RPTOR: variants seen among roughly 807,000 people sequenced by gnomAD.
RPTOR encodes regulatory-associated protein of mTOR.
RPTOR carries 21 observed loss-of-function variants against 169.9 expected under a neutral mutation model. The ratio of observed to expected loss-of-function variants is 0.12; its 90% CI spans 0.09 to 0.18. RPTOR has a LOEUF of 0.18. Ranked by LOEUF, RPTOR falls within the 10% of genes least tolerant of loss-of-function variation. RPTOR has a pLI of 1.00. For missense variants in RPTOR, 1,133 were observed against 1,855.9 expected (o/e 0.61, Z 7.16); for synonymous variants, 732 against 753.2 (o/e 0.97, Z 0.46).
In RPTOR at chr17:80,754,642, T is replaced by C. The variant is rs1441731030; in HGVS notation, c.830+457T>C. ...TTCTGTCTCCATCCTTTTTAAGTTA[T>C]AGCCGTCGGGAACATAACTGAAGAA... On this transcript the variant is annotated intron_variant, in intron 6 of 33. Transcript: ENST00000306801. The surrounding 1 kb of genome is among the most constrained non-coding windows in gnomAD (Gnocchi z 4.2). Among the ~76,000 whole-genome samples the C allele has an allele frequency of 6.6e-6, 1 of 152,216 alleles. No individual in the cohort carries two copies. Among genetic ancestry groups the C allele is most frequent in the Non-Finnish European group, 1.5e-5 (1 of 68,030 alleles).
intron 33 of RPTOR, 28 bp from the exon 34 acceptor site, chr17:80,964,234 C>T (rs1385700657): frequency 1.9e-6 from 3 of 1,599,360 alleles, no homozygotes; most frequent in East Asian, 4.5e-5. Context: ...CACCTGAACC[C>T]CTGCTCACCC....
Position 80,949,481 on chromosome 17 carries a change from T to C in RPTOR, c.3304T>C (p.Leu1102=). 1 of 1,614,138 alleles carries C rather than the reference T, an allele frequency of 6.2e-7. No individual in the cohort carries two copies. Among genetic ancestry groups the C allele is most frequent in the Non-Finnish European group, 8.5e-7 (1 of 1,180,026 alleles). Reference sequence around the variant, plus strand: ...CAGGGTCTGGAAGAATTTTGCTGATTTGGAAAAGAACCCAGAGATGGTGAC... The same window carrying C: ...CAGGGTCTGGAAGAATTTTGCTGATCTGGAAAAGAACCCAGAGATGGTGAC... ...AIRVWKNFAD[L]EKNPEMVTAW... Residue 1102 remains leucine, a synonymous_variant, in exon 28 of 34, where the codon TTG becomes CTG. Coordinates refer to ENST00000306801, the MANE Select transcript of RPTOR (RefSeq NM_020761.3).
intron 28 of RPTOR, among the ~76,000 whole-genome samples, chr17:80,956,480 C>A (rs1464884098): frequency 6.6e-6 from 1 of 152,260 alleles, no homozygotes; most frequent in African/African-American, 2.4e-5. Context: ...GGGAGTCAGC[C>A]CCTTGCTGTC....
chr17:80,887,227 TGGGGGGTGCCAGCTC>T (rs1424675647), intron 17 of RPTOR, among the ~76,000 whole-genome samples: 1 of 127,716 alleles, frequency 7.8e-6, no homozygotes, highest in Non-Finnish European at 1.6e-5. Flanking sequence ...GTGCTGACTC[TGGGGGGTGCCAGCTC>T]GGGGGGTGCG....
chr17:80,780,408 G>A (rs994576335), intron 6 of RPTOR, among the ~76,000 whole-genome samples: 8 of 152,106 alleles, frequency 5.3e-5, no homozygotes, highest in African/African-American at 9.7e-5. Flanking sequence ...AAACCACCAC[G>A]GTTTAAATGC....
chr17:80,925,101 T>C (rs2068795161), intron 23 of RPTOR, among the ~76,000 whole-genome samples: 1 of 152,052 alleles, frequency 6.6e-6, no homozygotes, highest in African/African-American at 2.4e-5. Flanking sequence ...TAGAATTGAC[T>C]TGGGAGCTGT....
At chr17:80,767,404 A>C (rs1598291340) in intron 6 of RPTOR, among the ~76,000 whole-genome samples, 1 of 151,718 alleles carries the variant, frequency 6.6e-6, no homozygotes, top group East Asian at 1.9e-4. Context: ...TAAAAGGAGA[A>C]TAAGGGAATC....
chr17:80,775,101 T>G (rs187409799), intron 6 of RPTOR, among the ~76,000 whole-genome samples: 7 of 152,286 alleles, frequency 4.6e-5, no homozygotes, highest in African/African-American at 1.7e-4. Context: ...GGGGCCAGGC[T>G]TCCAGCCGCT....
chr17:80,650,818 C>A (rs1023885036), intron 3 of RPTOR, among the ~76,000 whole-genome samples: 1 of 152,162 alleles, frequency 6.6e-6, no homozygotes, highest in Non-Finnish European at 1.5e-5. Context: ...AAGCCCCTCC[C>A]CATCCTGCCT....
intron 21 of RPTOR, among the ~76,000 whole-genome samples, chr17:80,911,552 C>A (rs188162889): frequency 6.6e-6 from 1 of 152,150 alleles, no homozygotes; most frequent in South Asian, 2.1e-4. Context: ...GAGGCCAAGG[C>A]GAGAGACGAT....
At chr17:80,743,863 C>CTACTAGCACAGCCCTGGT (rs2066520532) in intron 5 of RPTOR, among the ~76,000 whole-genome samples, 1 of 42,484 alleles carries the variant, frequency 2.4e-5, no homozygotes, top group Non-Finnish European at 4.7e-5. Context: ...AGAGCCCTGG[C>CTACTAGCACAGCCCTGGT]TACTAGCACA....
In RPTOR at chr17:80,960,143, C is replaced by T. The variant is rs138030342; in HGVS notation, c.3543C>T (p.Ile1181=). The T allele has an allele frequency of 1.7e-5, 27 of 1,613,534 alleles. No individual in the cohort carries two copies. The highest frequency in any genetic ancestry group is 1.6e-4 in the Middle Eastern group (1 of 6,084). ...CCTGTGATTCCCACCGCTCACTCAT[C>T]GTGGCTGGCCTCGGTGACGGCTCCA... ...SLSCDSHRSL[I]VAGLGDGSIR... The change falls in exon 30 of 34, where the codon ATC becomes ATT. Residue 1181 remains isoleucine (I), a synonymous_variant. Transcript: ENST00000306801. This position sits in a 1 kb window ranked among gnomAD's most constrained non-coding sequence, Gnocchi z 4.8.
In RPTOR at chr17:80,949,524, C is replaced by T. The variant is rs759681695; in HGVS notation, c.3347C>T (p.Ser1116Leu). The change falls in exon 28 of 34, where the codon TCG becomes TTG. Residue 1116 changes from serine to leucine, a missense_variant. By Grantham distance (145) the Ser-to-Leu change is moderately radical (BLOSUM62 -2). This residue lies in a region of RPTOR where 410 missense variants were observed against 623.7 expected (regional missense o/e 0.66). Coordinates refer to ENST00000306801, the MANE Select transcript of RPTOR (RefSeq NM_020761.3). ...PEMVTAWQGL[S>L]DMLPTTRGAG... is the part of the protein sequence containing the mutation. ...ATGGTGACCGCGTGGCAGGGGCTCT[C>T]GGACATGCTGCCAACGACGCGAGGT... is the stretch of plus-strand genomic sequence containing the variant. 7 of 1,614,054 alleles carry T rather than the reference C, an allele frequency of 4.3e-6. No homozygotes were observed. Among genetic ancestry groups the T allele is most frequent in the Non-Finnish European group, 2.5e-6 (3 of 1,180,018 alleles).
At position 80,823,060 on chromosome 17, in the gene RPTOR, A is replaced by G; in HGVS notation, c.992-19A>G. On this transcript the variant is annotated intron_variant, in intron 8 of 33. Coordinates refer to ENST00000306801, the MANE Select transcript of RPTOR (RefSeq NM_020761.3). This position sits in a 1 kb window ranked among gnomAD's most constrained non-coding sequence, Gnocchi z 4.5. ...CACAAGTCACTGTAGACTCCTTTTT[A>G]TCTTTTATCTGCCCTCAGATCTCTT... The G allele has an allele frequency of 6.2e-7, 1 of 1,610,330 alleles. No homozygotes were observed. Among genetic ancestry groups the G allele is most frequent in the Non-Finnish European group, 8.5e-7 (1 of 1,178,636 alleles).
chr17:80,577,396 C>G (rs571531489), intron 1 of RPTOR, among the ~76,000 whole-genome samples: 37 of 152,170 alleles, frequency 2.4e-4, no homozygotes, highest in Admixed American at 3.9e-4. Flanking sequence ...TTCTTTTAGA[C>G]TTTGAGGACA....
In RPTOR at chr17:80,940,483, T is replaced by G; in HGVS notation, c.2920-13T>G. ...CATCGCTGGGCTTAACTGGGTGTTT[T>G]CTGTTGTTGAAGATCCCAGAAGAGC... On this transcript the variant is annotated splice_polypyrimidine_tract_variant and intron_variant, in intron 24 of 33. Coordinates refer to ENST00000306801, the MANE Select transcript of RPTOR (RefSeq NM_020761.3). 6.2e-7 allele frequency: 1 copy of G among 1,610,960 alleles called. No individual in the cohort carries two copies. Among genetic ancestry groups the G allele is most frequent in the Non-Finnish European group, 8.5e-7 (1 of 1,178,180 alleles).
chr17:80,901,942 GA>G (rs372365361), intron 20 of RPTOR, among the ~76,000 whole-genome samples: 35 of 152,304 alleles, frequency 2.3e-4, no homozygotes, highest in African/African-American at 8.4e-4. Flanking sequence ...ATCGCTGATG[GA>G]GCCCAGGTTC....
intron 2 of RPTOR, among the ~76,000 whole-genome samples, chr17:80,629,368 C>T (rs56137145): frequency 0.12 from 12,218 of 106,164 alleles, 878 homozygotes; most frequent in East Asian, 0.18. Flanking sequence ...GCAGCTCTTC[C>T]GTGTGTTTCT....
In RPTOR at chr17:80,707,758, A is replaced by G. The variant is rs2143092980; in HGVS notation, c.349-83A>G. On this transcript the variant is annotated intron_variant, in intron 3 of 33. Coordinates refer to ENST00000306801, the MANE Select transcript of RPTOR (RefSeq NM_020761.3). The surrounding 1 kb of genome is among the most constrained non-coding windows in gnomAD (Gnocchi z 5.0). ...CAGGACCACACAGCTATTAACTGCAAACCCAGAGGAAAGGGTAGGGGATGA... is the reference window on the plus strand; with the variant it reads ...CAGGACCACACAGCTATTAACTGCAGACCCAGAGGAAAGGGTAGGGGATGA... The G allele has an allele frequency of 1.4e-6, 2 of 1,382,716 alleles. No individual in the cohort carries two copies. Among genetic ancestry groups the G allele is most frequent in the East Asian group, 4.7e-5 (2 of 42,580 alleles). 85.7% of individuals were successfully genotyped at this position (1,382,716 alleles called of 1,614,324 possible).
Sources: allele counts gnomAD v4.1 joint callset (sites outside exome capture counted in the v4.1 genomes callset), GRCh38; gene constraint gnomAD v4.1.1; regional missense constraint gnomAD v4.1.1; non-coding constraint Gnocchi (gnomAD v3.1); transcripts MANE v1.5; gene names NCBI Gene and HGNC (gene_info 2026-07-23, HGNC 2026-07-21).